Variants in ABAT observed in about 807,000 individuals in gnomAD.
ABAT encodes the protein 4-aminobutyrate aminotransferase, mitochondrial.
A neutral mutation model predicts 64.6 loss-of-function variants in ABAT; 45 were observed. That is an observed-to-expected ratio of 0.70 (90% confidence interval 0.55 to 0.89). ABAT has a LOEUF of 0.89. Ranked by LOEUF, ABAT falls within the 40% of genes least tolerant of loss-of-function variation. The pLI, the probability that ABAT is intolerant of heterozygous loss-of-function variation, is 0.00. For synonymous variants in ABAT, 297 were observed against 250.5 expected, an observed-to-expected ratio of 1.19 and a Z score of -1.75; for missense variants, 633 against 658.4, an observed-to-expected ratio of 0.96 and a Z score of 0.42.
In ABAT at chr16:8,781,699, T is replaced by A; in HGVS notation, c.*269T>A. 1 of 534,550 alleles carries A rather than the reference T, an allele frequency of 1.9e-6. No homozygotes were observed. Among genetic ancestry groups the A allele is most frequent in the South Asian group, 2.0e-5 (1 of 50,132 alleles). The allele number at this position is 534,550 out of a possible 1,614,324, so 33.1% of individuals were successfully genotyped here. A position where few individuals can be genotyped will look rare whatever the true frequency, so the allele number is the denominator to read the frequency against. The stretch of plus-strand genomic sequence containing the variant: ...CCTGGACTCATCTTGGGAAGGGCCA[T>A]GGGAGGTCCTGGCTAGAGTTCTGCC... On this transcript the variant is annotated 3_prime_UTR_variant, in exon 16 of 16. Coordinates refer to ENST00000268251, the MANE Select transcript of ABAT (RefSeq NM_020686.6). The surrounding 1 kb of genome is among the most constrained non-coding windows in gnomAD (Gnocchi z 4.5).
At chr16:8,735,128 C>A (rs1366682031) in intron 1 of ABAT, among the ~76,000 whole-genome samples, 1 of 144,074 alleles carries the variant, frequency 6.9e-6, no homozygotes, top group African/African-American at 2.6e-5. Flanking sequence ...GAACCGAGAT[C>A]GAGCCACTGC....
chr16:8,763,605 T>C (rs11074713), intron 6 of ABAT, among the ~76,000 whole-genome samples: 93,347 of 152,040 alleles, frequency 0.61, 33,000 homozygotes, highest in East Asian at 0.82. Context: ...GGTTTCACCA[T>C]GTTGGCCAGG....
At chr16:8,721,912 G>A (rs955899456) in intron 1 of ABAT, among the ~76,000 whole-genome samples, 1 of 152,244 alleles carries the variant, frequency 6.6e-6, no homozygotes, top group Non-Finnish European at 1.5e-5. Flanking sequence ...TATCTGGCTA[G>A]ACCAGGGTTT....
intron 4 of ABAT, 102 bp from the exon 5 acceptor site, chr16:8,750,320 A>G (rs2059442154): frequency 2.9e-6 from 3 of 1,021,502 alleles, no homozygotes. Context: ...GTGTCCACAG[A>G]TAGTCACGAT....
chr16:8,680,333 T>G (rs1730951), intron 1 of ABAT, among the ~76,000 whole-genome samples: 1 of 152,082 alleles, frequency 6.6e-6, no homozygotes, highest in Non-Finnish European at 1.5e-5. Context: ...CAGTAGATAT[T>G]CAAGGAGCAT....
chr16:8,716,733 G>C (rs2058225891), intron 1 of ABAT, among the ~76,000 whole-genome samples: 1 of 152,168 alleles, frequency 6.6e-6, no homozygotes, highest in South Asian at 2.1e-4. Context: ...TAAACTACTT[G>C]TGCCTACGTC....
In ABAT at chr16:8,764,567, C is replaced by T. The variant is rs1004291177; in HGVS notation, c.448-171C>T. Among the ~76,000 whole-genome samples, 6 of 152,288 alleles carry T rather than the reference C, an allele frequency of 3.9e-5. No individual in the cohort carries two copies. The highest frequency in any genetic ancestry group is 4.1e-4 in the South Asian group (2 of 4,822). On this transcript the variant is annotated intron_variant, in intron 7 of 15. Coordinates refer to ENST00000268251, the MANE Select transcript of ABAT (RefSeq NM_020686.6). The surrounding 1 kb of genome is among the most constrained non-coding windows in gnomAD (Gnocchi z 4.2). Reference sequence around the variant, plus strand: ...GCCTCAGGGCCTCCCTGGGCTTCTCCGCCACCCCTGGAAAAGCCTGAGCCC... The same window carrying T: ...GCCTCAGGGCCTCCCTGGGCTTCTCTGCCACCCCTGGAAAAGCCTGAGCCC...
chr16:8,763,481 G>A (rs545760491), intron 6 of ABAT, among the ~76,000 whole-genome samples: 1 of 152,316 alleles, frequency 6.6e-6, no homozygotes, highest in Admixed American at 6.5e-5. Flanking sequence ...CCCTTAGGGT[G>A]TCCTATACAG....
At position 8,776,504 on chromosome 16, in the gene ABAT, C is replaced by T. The variant is rs752811827; in HGVS notation, c.1269+14C>T. Reference sequence around the variant, plus strand: ...CTGGACCTCCAGGTAACACCCCCTCCCCTGCCCCGCCCCCACCACCCATGG... The same window carrying T: ...CTGGACCTCCAGGTAACACCCCCTCTCCTGCCCCGCCCCCACCACCCATGG... On this transcript the variant is annotated intron_variant, in intron 14 of 15. Transcript: ENST00000268251. The surrounding 1 kb of genome is among the most constrained non-coding windows in gnomAD (Gnocchi z 4.4). The T allele has an allele frequency of 6.3e-7, 1 of 1,582,818 alleles. No homozygotes were observed. Among genetic ancestry groups the T allele is most frequent in the Non-Finnish European group, 8.6e-7 (1 of 1,165,280 alleles).
chr16:8,781,614 T>C lies in ABAT; in HGVS notation c.*184T>C, dbSNP rs1040201038. The C allele has an allele frequency of 1.1e-5, 8 of 746,286 alleles. 1 individual carries two copies. The highest frequency in any genetic ancestry group is 4.8e-5 in the South Asian group (3 of 62,366). 46.2% of individuals were successfully genotyped at this position (746,286 alleles called of 1,614,324 possible). On this transcript the variant is annotated 3_prime_UTR_variant, in exon 16 of 16. Transcript: ENST00000268251. This position sits in a 1 kb window ranked among gnomAD's most constrained non-coding sequence, Gnocchi z 4.5. ...GAGGGGAGGGAAGGGCTGGTGTTGA[T>C]TTTCCTCCCTGCAGAGCCAATGGTG...
At chr16:8,748,253 C>G in intron 4 of ABAT, 116 bp downstream of exon 4, 1 of 997,426 alleles carries the variant, frequency 1.0e-6, no homozygotes, top group South Asian at 1.5e-5. Context: ...GACTTTTGTT[C>G]TAAACATTTT....
intron 5 of ABAT, among the ~76,000 whole-genome samples, chr16:8,751,190 C>T (rs2059470986): frequency 6.6e-6 from 1 of 152,064 alleles, no homozygotes; most frequent in Admixed American, 6.6e-5. Context: ...CGCAAGTGAT[C>T]TGCCTGCCTC....
intron 4 of ABAT, among the ~76,000 whole-genome samples, chr16:8,748,371 G>C (rs2059390389): frequency 6.6e-6 from 1 of 152,000 alleles, no homozygotes. Flanking sequence ...TTGATTTCTA[G>C]TTTCATTCCA....
At chr16:8,743,730 TTTTG>T (rs1263934769) in intron 2 of ABAT, among the ~76,000 whole-genome samples, 3 of 148,386 alleles carry the variant, frequency 2.0e-5, no homozygotes, top group Admixed American at 6.8e-5. Flanking sequence ...TAATATATAT[TTTTG>T]TTTATTATAT....
intron 12 of ABAT, among the ~76,000 whole-genome samples, chr16:8,774,577 G>C (rs1197348401): frequency 6.6e-6 from 1 of 152,110 alleles, no homozygotes; most frequent in African/African-American, 2.4e-5. Flanking sequence ...TGACGAGGTC[G>C]AGACCCGAGA....
intron 3 of ABAT, 33 bp from the exon 4 acceptor site, chr16:8,748,075 T>G (rs763352092): frequency 1.2e-6 from 2 of 1,610,176 alleles, no homozygotes; most frequent in Non-Finnish European, 1.7e-6. Flanking sequence ...GAGTGTGGAC[T>G]TGCTATAATG....
At chr16:8,735,655 A>ATCT in intron 1 of ABAT, 44 bp from the exon 2 acceptor site, 3 of 1,465,094 alleles carry the variant, frequency 2.0e-6, no homozygotes, top group Non-Finnish European at 2.8e-6. Flanking sequence ...CTGAGAGGGG[A>ATCT]GTGGTCTTCA....
intron 5 of ABAT, among the ~76,000 whole-genome samples, chr16:8,753,697 T>C (rs2059557541): frequency 6.6e-6 from 1 of 152,136 alleles, no homozygotes; most frequent in African/African-American, 2.4e-5. Context: ...CCCAGAGTGT[T>C]CCTTTCTTGA....
intron 1 of ABAT, among the ~76,000 whole-genome samples, chr16:8,684,908 A>C (rs2057417808): frequency 6.6e-6 from 1 of 152,198 alleles, no homozygotes; most frequent in South Asian, 2.1e-4. Flanking sequence ...TTCAAAACAG[A>C]GGCAAACATG....
Sources: allele counts gnomAD v4.1 joint callset (sites outside exome capture counted in the v4.1 genomes callset), GRCh38; gene constraint gnomAD v4.1.1; non-coding constraint Gnocchi (gnomAD v3.1); transcripts MANE v1.5; gene names NCBI Gene and HGNC (gene_info 2026-07-23, HGNC 2026-07-21).